CWF19L2: variants seen among roughly 807,000 people sequenced by gnomAD.
CWF19L2 encodes CWF19-like protein 2.
A neutral mutation model predicts 111.7 loss-of-function variants in CWF19L2; 98 were observed. The ratio of observed to expected loss-of-function variants is 0.88; its 90% CI spans 0.75 to 1.04. The LOEUF (loss-of-function observed/expected upper bound fraction) is 1.04, where lower values mean the gene tolerates loss of function less well. Among genes scored for constraint, CWF19L2 ranks in the 50% least tolerant of loss-of-function variants. The probability of loss-of-function intolerance (pLI) is 0.00; values close to 1 mark genes in which losing one functional copy is unlikely to be tolerated. For synonymous variants in CWF19L2, 351 were observed against 342.9 expected, an observed-to-expected ratio of 1.02 and a Z score of -0.26; for missense variants, 1,101 against 1,051.4, an observed-to-expected ratio of 1.05 and a Z score of -0.65.
At position 107,367,689 on chromosome 11, in the gene CWF19L2, A is replaced by T. The variant is rs1176487472; in HGVS notation, c.1873-13953T>A. 8.2e-5 allele frequency among the ~76,000 whole-genome samples: 4 copies of T among 48,806 alleles called. 1 individual carries two copies. Among genetic ancestry groups the T allele is most frequent in the Non-Finnish European group, 1.1e-4 (3 of 28,520 alleles). The allele number at this position is 48,806 out of a possible 152,430, so 32.0% of individuals were successfully genotyped here. A position where few individuals can be genotyped will look rare whatever the true frequency, so the allele number is the denominator to read the frequency against. On this transcript the variant is annotated intron_variant, in intron 12 of 17. Transcript: ENST00000282251. ...CTGGGGACTGTTGTGGGGTGGGGGG[A>T]GGGGGGAGGGATAGCATTGGGAGAT...
chr11:107,383,273 A>G (rs1219329080), intron 12 of CWF19L2, among the ~76,000 whole-genome samples: 1 of 152,060 alleles, frequency 6.6e-6, no homozygotes, highest in East Asian at 1.9e-4. Flanking sequence ...AGACTTGGGG[A>G]CTGAGACCCC....
chr11:107,332,533 A>AAG (rs1683558078), intron 16 of CWF19L2, among the ~76,000 whole-genome samples: 2 of 151,710 alleles, frequency 1.3e-5, no homozygotes, highest in South Asian at 4.1e-4. Flanking sequence ...ATTATAAGCC[A>AAG]AGAATTTACA....
intron 10 of CWF19L2, among the ~76,000 whole-genome samples, chr11:107,398,513 G>C (rs1860954982): frequency 1.3e-5 from 2 of 152,042 alleles, no homozygotes; most frequent in African/African-American, 4.8e-5. Flanking sequence ...TATGAACAAA[G>C]GCTCCAAGAA....
chr11:107,427,535 T>C (rs1216727470), intron 8 of CWF19L2, among the ~76,000 whole-genome samples: 1 of 152,024 alleles, frequency 6.6e-6, no homozygotes, highest in African/African-American at 2.4e-5. Flanking sequence ...CCGGTTGGAA[T>C]ACTAATCGTG....
intron 3 of CWF19L2, among the ~76,000 whole-genome samples, chr11:107,446,131 A>G (rs1861699185): frequency 6.6e-6 from 1 of 152,188 alleles, no homozygotes; most frequent in South Asian, 2.1e-4. Context: ...TGTATAATCA[A>G]TGGCTATTCT....
intron 14 of CWF19L2, among the ~76,000 whole-genome samples, chr11:107,337,564 A>G (rs187238680): frequency 1.3e-5 from 2 of 152,238 alleles, no homozygotes; most frequent in East Asian, 3.9e-4. Flanking sequence ...TGAAGGCTGG[A>G]TGCCAGAGCC....
At chr11:107,362,450 G>T (rs1860367297) in intron 12 of CWF19L2, among the ~76,000 whole-genome samples, 1 of 152,036 alleles carries the variant, frequency 6.6e-6, no homozygotes, top group Non-Finnish European at 1.5e-5. Context: ...GACAGCAGTG[G>T]TTCTCCCAGC....
chr11:107,435,175 TA>T (rs1014140469), intron 6 of CWF19L2, among the ~76,000 whole-genome samples: 1 of 152,180 alleles, frequency 6.6e-6, no homozygotes, highest in African/African-American at 2.4e-5. Context: ...CTTTTCTTTA[TA>T]GGCCTAAAAT....
chr11:107,457,766 A>G lies in CWF19L2; in HGVS notation c.51T>C (p.Ser17=). The G allele has an allele frequency of 1.9e-6, 3 of 1,551,508 alleles. 1 individual carries two copies. The highest frequency in any genetic ancestry group is 2.6e-6 in the Non-Finnish European group (3 of 1,146,966). ...AASGRFESAK[S]IEERKEQTRN... ...GGGTCTGTTCTTTCCGCTCTTCGAT[A>G]CTCTTCGCACTTTCAAATCTACCAC... The change falls in exon 1 of 18, where the codon AGT becomes AGC. Residue 17 remains serine, a synonymous_variant. Transcript: ENST00000282251.
chr11:107,330,142 G>A, intron 16 of CWF19L2, 123 bp from the exon 17 acceptor site: 1 of 504,286 alleles, frequency 2.0e-6, no homozygotes. Context: ...TGTATAAAAT[G>A]AATTTCCAGT....
At chr11:107,456,300 G>A (rs1373176384) in intron 1 of CWF19L2, among the ~76,000 whole-genome samples, 3 of 152,098 alleles carry the variant, frequency 2.0e-5, no homozygotes, top group South Asian at 4.1e-4. Flanking sequence ...CTAGGAAATC[G>A]TTCCTGCCCT....
Position 107,326,379 on chromosome 11 carries a change from C to A in CWF19L2, c.*531G>T, listed in dbSNP as rs1859761265. ...TACAAATTTTCAGTATCATTTAATT[C>A]TTTAATACTTTGGGGACATTTCCTT... On this transcript the variant is annotated 3_prime_UTR_variant, in exon 18 of 18. Coordinates refer to ENST00000282251, the MANE Select transcript of CWF19L2 (RefSeq NM_152434.3). 1 of 152,122 alleles carries A rather than the reference C, an allele frequency of 6.6e-6. No homozygotes were observed. The highest frequency in any genetic ancestry group is 1.5e-5 in the Non-Finnish European group (1 of 67,996). 9.4% of individuals were successfully genotyped at this position (152,122 alleles called of 1,614,324 possible).
At chr11:107,406,323 TTA>T (rs113639883) in intron 10 of CWF19L2, among the ~76,000 whole-genome samples, 2,601 of 152,332 alleles carry the variant, frequency 0.017, 28 homozygotes, top group South Asian at 0.039. Flanking sequence ...GTTTCAACTT[TTA>T]TCTTTTAAAA....
Position 107,369,581 on chromosome 11 carries a change from C to A in CWF19L2, c.1873-15845G>T, listed in dbSNP as rs1004318928. The stretch of plus-strand genomic sequence containing the variant: ...TTTTTGAATCCTGCCTCTTTTACTA[C>A]TAATTCTCATTTGTATATTGCATTA... On this transcript the variant is annotated intron_variant, in intron 12 of 17. Transcript: ENST00000282251. Among the ~76,000 whole-genome samples, 7 of 138,056 alleles carry A rather than the reference C, an allele frequency of 5.1e-5. 1 individual carries two copies. The highest frequency in any genetic ancestry group is 1.1e-4 in the Non-Finnish European group (7 of 64,256). 90.6% of individuals were successfully genotyped at this position (138,056 alleles called of 152,430 possible). A position where few individuals can be genotyped will look rare whatever the true frequency, so the allele number is the denominator to read the frequency against.
At chr11:107,403,944 G>A in intron 10 of CWF19L2, 1 of 883,694 alleles carries the variant, frequency 1.1e-6, no homozygotes, top group Non-Finnish European at 1.9e-6. Flanking sequence ...TGTCGTTTAA[G>A]GACCTGCATT....
intron 10 of CWF19L2, among the ~76,000 whole-genome samples, chr11:107,412,364 G>A (rs1210434679): frequency 1.3e-5 from 2 of 152,026 alleles, no homozygotes; most frequent in Non-Finnish European, 2.9e-5. Context: ...TTTTTGAGAT[G>A]GAGTCCCACA....
rs935557965 is a variant in CWF19L2 at position 107,344,194 on chromosome 11, C to A, written c.2202+4743G>T. On this transcript the variant is annotated intron_variant, in intron 14 of 17. Transcript: ENST00000282251. ...CGCCACTGCACTCCAGCCTGGGTAACAGAGTAAGACTCAATCTCAAAAAAA... is the reference window on the plus strand; with the variant it reads ...CGCCACTGCACTCCAGCCTGGGTAAAAGAGTAAGACTCAATCTCAAAAAAA... Among the ~76,000 whole-genome samples the A allele has an allele frequency of 6.6e-5, 10 of 152,240 alleles. No individual in the cohort carries two copies. In the East Asian group the frequency reaches 1.7e-3, roughly 26 times the overall value.
At chr11:107,409,880 C>A (rs1266384929) in intron 10 of CWF19L2, among the ~76,000 whole-genome samples, 1 of 152,018 alleles carries the variant, frequency 6.6e-6, no homozygotes, top group Non-Finnish European at 1.5e-5. Context: ...ATTCATAAAA[C>A]AAGTATTTCA....
chr11:107,384,590 T>A (rs1023593996), intron 12 of CWF19L2, among the ~76,000 whole-genome samples: 1 of 152,202 alleles, frequency 6.6e-6, no homozygotes, highest in East Asian at 1.9e-4. Flanking sequence ...TATATCCTAG[T>A]CCAGGGATTG....
Sources: allele counts gnomAD v4.1 joint callset (sites outside exome capture counted in the v4.1 genomes callset), GRCh38; gene constraint gnomAD v4.1.1; transcripts MANE v1.5; gene names NCBI Gene and HGNC (gene_info 2026-07-23, HGNC 2026-07-21).